The following MYH10 variants were observed in gnomAD, a reference collection of about 807,000 sequenced individuals.
The protein encoded by MYH10 is myosin heavy chain 10, also known as myosin-10.
In MYH10, 55 loss-of-function variants were observed where a neutral mutation model predicts 257.8. The observed-to-expected ratio is 0.21, with a 90% confidence interval of 0.17 to 0.27. The LOEUF (loss-of-function observed/expected upper bound fraction) is 0.27. Among genes scored for constraint, MYH10 ranks in the 10% least tolerant of loss-of-function variants. The pLI is 1.00. For synonymous variants in MYH10, 854 were observed against 921.7 expected (o/e 0.93, Z 1.33); for missense variants, 1,631 against 2,500.6 (o/e 0.65, Z 7.42).
At chr17:8,562,919 C>T (rs2083044523) in intron 7 of MYH10, among the ~76,000 whole-genome samples, 1 of 152,176 alleles carries the variant, frequency 6.6e-6, no homozygotes, top group African/African-American at 2.4e-5. Context: ...TCTGAATTGA[C>T]ATCGATTTCT....
intron 14 of MYH10, among the ~76,000 whole-genome samples, chr17:8,541,429 G>A (rs1162635702): frequency 6.6e-6 from 1 of 152,142 alleles, no homozygotes; most frequent in Non-Finnish European, 1.5e-5. Context: ...ACACCTTGTT[G>A]AGCAAAAGCT....
At chr17:8,481,955 G>A (rs1913897076) in intron 37 of MYH10, among the ~76,000 whole-genome samples, 1 of 152,186 alleles carries the variant, frequency 6.6e-6, no homozygotes, top group South Asian at 2.1e-4. Context: ...CCTCTAAGGT[G>A]GGCAAGGCCT....
chr17:8,476,943 G>A lies in MYH10; in HGVS notation c.5812C>T (p.Leu1938=), dbSNP rs746915564. The change falls in exon 42 of 43, where the codon CTG becomes TTG. Residue 1938 remains leucine, a synonymous_variant. Transcript: ENST00000360416. The stretch of plus-strand genomic sequence containing the variant: ...TCGTTGGCCTCGGTGGCATCATCCA[G>A]TTCCCGCTGGAGTTTACGCCGAGAT... ...NASRRKLQRE[L]DDATEANEGL... 1 of 1,613,838 alleles carries A rather than the reference G, an allele frequency of 6.2e-7. No individual in the cohort carries two copies. Among genetic ancestry groups the A allele is most frequent in the Non-Finnish European group, 8.5e-7 (1 of 1,180,036 alleles).
At chr17:8,507,407 G>T (rs573490894) in intron 26 of MYH10, among the ~76,000 whole-genome samples, 259 of 152,322 alleles carry the variant, frequency 1.7e-3, no homozygotes, top group African/African-American at 6.0e-3. Flanking sequence ...GTCTCTAGCT[G>T]CTCTTTCCAA....
chr17:8,618,824 A>G (rs1678712054), intron 2 of MYH10, among the ~76,000 whole-genome samples: 1 of 152,224 alleles, frequency 6.6e-6, no homozygotes, highest in Non-Finnish European at 1.5e-5. Context: ...AAGTATTGAC[A>G]TGCTGTCAAG....
rs1276027743 is a variant in MYH10 at position 8,475,894 on chromosome 17, G to A, written c.5934C>T (p.His1978=). The A allele has an allele frequency of 6.2e-7, 1 of 1,614,076 alleles. No individual in the cohort carries two copies. The highest frequency in any genetic ancestry group is 1.3e-5 in the African/African-American group (1 of 74,936). The change falls in exon 43 of 43, where the codon CAC becomes CAT. Residue 1978 remains histidine (H), a synonymous_variant. Coordinates refer to ENST00000360416, the MANE Select transcript of MYH10 (RefSeq NM_001256012.3). ...AGAGCTCCAGGGAAGCTCCTTCAAGGTGCAGCTGGCGCCGGCCAGATCGGC... is the reference window on the plus strand; with the variant it reads ...AGAGCTCCAGGGAAGCTCCTTCAAGATGCAGCTGGCGCCGGCCAGATCGGC... ...SSSRSGRRQL[H]LEGASLELSD... is the part of the protein sequence containing the mutation.
chr17:8,540,377 A>G (rs547507051), intron 14 of MYH10, among the ~76,000 whole-genome samples: 32 of 152,280 alleles, frequency 2.1e-4, no homozygotes, highest in African/African-American at 7.2e-4. Flanking sequence ...TCACCTTTAG[A>G]GTACAATTAT....
intron 2 of MYH10, among the ~76,000 whole-genome samples, chr17:8,607,932 G>C (rs1320600485): frequency 6.6e-6 from 1 of 152,092 alleles, no homozygotes; most frequent in Non-Finnish European, 1.5e-5. Context: ...TGTAGAACAA[G>C]GTAAAAAATG....
Position 8,492,998 on chromosome 17 carries a change from A to G in MYH10, c.4236T>C (p.Asp1412=). 2 of 1,613,716 alleles carry G rather than the reference A, an allele frequency of 1.2e-6. No homozygotes were observed. The highest frequency in any genetic ancestry group is 2.2e-5 in the East Asian group (1 of 44,880). ...GACTTTCAATTGTTCCCAGGTCGTC[A>G]TCTACTTTCTTCTTGGTATCAGCCA... The part of the protein sequence containing the change: ...SQLADTKKKV[D]DDLGTIESLE... The change falls in exon 33 of 43, where the codon GAT becomes GAC. Residue 1412 remains aspartate (D), a synonymous_variant. Transcript: ENST00000360416.
chr17:8,586,352 T>C (rs555685166), intron 4 of MYH10, among the ~76,000 whole-genome samples: 7 of 152,170 alleles, frequency 4.6e-5, no homozygotes, highest in East Asian at 1.9e-4. Flanking sequence ...TGAACCCAAG[T>C]TGCAAGAGGA....
Position 8,488,775 on chromosome 17 carries a change from G to C in MYH10, c.4885-1181C>G, listed in dbSNP as rs535681316. Reference sequence around the variant, plus strand: ...GGAGCAGGGCAGCTGCTTCCGCATAGGGCAGAGGTGCTCGTCATCTGCTTG... The same window carrying C: ...GGAGCAGGGCAGCTGCTTCCGCATACGGCAGAGGTGCTCGTCATCTGCTTG... On this transcript the variant is annotated intron_variant, in intron 35 of 42. Coordinates refer to ENST00000360416, the MANE Select transcript of MYH10 (RefSeq NM_001256012.3). Among the ~76,000 whole-genome samples, 70 of 152,240 alleles carry C rather than the reference G, an allele frequency of 4.6e-4. 1 individual carries two copies. Among genetic ancestry groups the C allele is most frequent in the African/African-American group, 1.6e-3 (66 of 41,566 alleles).
In MYH10 at chr17:8,480,488, G is replaced by A. The variant is rs371758579; in HGVS notation, c.5302C>T (p.Arg1768Trp). The A allele has an allele frequency of 1.9e-6, 3 of 1,611,188 alleles. No homozygotes were observed. The highest frequency in any genetic ancestry group is 1.3e-5 in the African/African-American group (1 of 74,898). The change falls in exon 39 of 43, where the codon CGG becomes TGG. Residue 1768 changes from arginine (R) to tryptophan (W), a missense_variant. Physicochemically the swap from Arg to Trp is moderately radical, Grantham distance 101 (BLOSUM62 -3). Coordinates refer to ENST00000360416, the MANE Select transcript of MYH10 (RefSeq NM_001256012.3). ...AGCTCCTCCTCCAGCTGTGCGATCC[G>A]AGCTTCCAGACGCCGCTTCTCATCC... ...LLDEKRRLEA[R>W]IAQLEEELEE...
intron 16 of MYH10, among the ~76,000 whole-genome samples, chr17:8,531,476 C>T (rs2082001106): frequency 6.6e-6 from 1 of 151,720 alleles, no homozygotes; most frequent in Non-Finnish European, 1.5e-5. Flanking sequence ...GCAGGGCTGC[C>T]ACCAATAAAT....
At chr17:8,623,952 C>A (rs1333908173) in intron 1 of MYH10, among the ~76,000 whole-genome samples, 1 of 152,120 alleles carries the variant, frequency 6.6e-6, no homozygotes, top group Non-Finnish European at 1.5e-5. Context: ...TCCTGCAGCT[C>A]CTCCACCCCT....
intron 2 of MYH10, among the ~76,000 whole-genome samples, chr17:8,612,720 G>A (rs771871243): frequency 1.2e-4 from 19 of 152,026 alleles, no homozygotes; most frequent in South Asian, 8.3e-4. Context: ...GCGTGGTGGC[G>A]CACGCCTGTA....
chr17:8,479,839 T>C (rs1230005257), intron 40 of MYH10, among the ~76,000 whole-genome samples: 1 of 152,190 alleles, frequency 6.6e-6, no homozygotes, highest in African/African-American at 2.4e-5. Flanking sequence ...CGACTTTGGG[T>C]AGGAGATGCA....
Position 8,617,281 on chromosome 17 carries a change from T to C in MYH10, c.345+5621A>G, listed in dbSNP as rs144582847. On this transcript the variant is annotated intron_variant, in intron 2 of 42. Coordinates refer to ENST00000360416, the MANE Select transcript of MYH10 (RefSeq NM_001256012.3). ...TCTCCCCACCATGAGCTGCCTTTCA[T>C]GCCTCTAAGGAAGGCAATTCCTATC... Among the ~76,000 whole-genome samples the C allele has an allele frequency of 3.5e-4, 54 of 152,282 alleles. 1 individual carries two copies. The East Asian group carries it at 7.0e-3, about 20-fold the overall frequency.
At chr17:8,588,053 G>C (rs1434049129) in intron 4 of MYH10, among the ~76,000 whole-genome samples, 1 of 151,956 alleles carries the variant, frequency 6.6e-6, no homozygotes, top group Non-Finnish European at 1.5e-5. Flanking sequence ...CCCCTTGACT[G>C]CTGTGCCACC....
rs1204342082 is a variant in MYH10 at position 8,490,436 on chromosome 17, C to T, written c.4788G>A (p.Leu1596=). The T allele has an allele frequency of 1.4e-5, 23 of 1,614,110 alleles. No homozygotes were observed. The Admixed American group carries it at 2.8e-4, about 20-fold the overall frequency. The part of the protein sequence containing the change: ...LQATEDAKLR[L]EVNMQAMKAQ... The stretch of plus-strand genomic sequence containing the variant: ...CCTTCATGGCCTGCATGTTGACCTC[C>T]AGACGAAGCTTGGCATCTTCCGTGG... Residue 1596 remains leucine (L), a synonymous_variant, in exon 35 of 43, where the codon CTG becomes CTA. Coordinates refer to ENST00000360416, the MANE Select transcript of MYH10 (RefSeq NM_001256012.3). The surrounding 1 kb of genome is among the most constrained non-coding windows in gnomAD (Gnocchi z 4.1).
Sources: allele counts gnomAD v4.1 joint callset (sites outside exome capture counted in the v4.1 genomes callset), GRCh38; gene constraint gnomAD v4.1.1; non-coding constraint Gnocchi (gnomAD v3.1); transcripts MANE v1.5; gene names NCBI Gene and HGNC (gene_info 2026-07-23, HGNC 2026-07-21).